TUSC3: variants seen among roughly 807,000 people sequenced by gnomAD.
TUSC3 encodes the protein tumor suppressor candidate 3.
In TUSC3, 45 loss-of-function variants were observed where a neutral mutation model predicts 44.8. The observed-to-expected ratio is 1.00, with a 90% CI of 0.79 to 1.29. The LOEUF (loss-of-function observed/expected upper bound fraction) is 1.29. TUSC3 is among the 50% of genes most tolerant of loss of function. The probability of loss-of-function intolerance (pLI) is 0.00; values close to 1 mark genes in which losing one functional copy is unlikely to be tolerated. For synonymous variants in TUSC3, 212 were observed against 152.9 expected (o/e 1.39, Z -2.85); for missense variants, 519 against 437.9 (o/e 1.19, Z -1.65).
chr8:15,718,659 A>G (rs1285159120), intron 6 of TUSC3, among the ~76,000 whole-genome samples: 2 of 152,106 alleles, frequency 1.3e-5, no homozygotes, highest in Non-Finnish European at 2.9e-5. Flanking sequence ...CTTATAATTA[A>G]CATACAATTT....
At chr8:15,745,100 A>G (rs1811353036) in intron 8 of TUSC3, among the ~76,000 whole-genome samples, 1 of 152,026 alleles carries the variant, frequency 6.6e-6, no homozygotes, top group South Asian at 2.1e-4. Flanking sequence ...CTGAATTCCT[A>G]TTGATGTAAA....
the TUSC3 span, among the ~76,000 whole-genome samples, chr8:15,778,361 A>G: frequency 1.3e-5 from 2 of 152,196 alleles, no homozygotes; most frequent in Non-Finnish European, 2.9e-5. Flanking sequence ...ACAGACAAGG[A>G]GACAAAACAG....
intron 1 of TUSC3, among the ~76,000 whole-genome samples, chr8:15,483,140 C>T (rs150380092): frequency 1.7e-4 from 26 of 152,252 alleles, no homozygotes; most frequent in African/African-American, 5.1e-4. Flanking sequence ...AAAGTGTTAA[C>T]AGCATATAAG....
chr8:15,541,587 C>G (rs950879848), intron 1 of TUSC3, among the ~76,000 whole-genome samples: 1 of 152,078 alleles, frequency 6.6e-6, no homozygotes, highest in Non-Finnish European at 1.5e-5. Flanking sequence ...TATTCTTAGT[C>G]TGAAACAAAT....
At chr8:15,512,487 C>A (rs1261537199) in intron 2 of TUSC3, among the ~76,000 whole-genome samples, 1 of 152,084 alleles carries the variant, frequency 6.6e-6, no homozygotes, top group Non-Finnish European at 1.5e-5. Context: ...ATAAATGTTT[C>A]TCTGGCTGGG....
At chr8:15,539,803 G>A (rs1801611246), upstream of TUSC3, among the ~76,000 whole-genome samples, 1 of 152,152 alleles carries the variant, frequency 6.6e-6, no homozygotes, top group Admixed American at 6.5e-5. Context: ...TGTGCCTCAG[G>A]CCTTCCAGTG....
chr8:15,576,133 G>C (rs1271324266), intron 1 of TUSC3, among the ~76,000 whole-genome samples: 8 of 151,488 alleles, frequency 5.3e-5, no homozygotes, highest in Non-Finnish European at 1.0e-4. Flanking sequence ...CAATGAATCA[G>C]AGTTTTTGAA....
At chr8:15,427,461 A>G (rs565957702) in intron 1 of TUSC3, among the ~76,000 whole-genome samples, 7 of 152,212 alleles carry the variant, frequency 4.6e-5, no homozygotes, top group Middle Eastern at 3.4e-3. Flanking sequence ...AATGAGCAGC[A>G]TCCCAGTAAG....
intron 1 of TUSC3, among the ~76,000 whole-genome samples, chr8:15,432,684 A>T (rs905443126): frequency 3.3e-5 from 5 of 152,126 alleles, no homozygotes; most frequent in African/African-American, 4.8e-5. Context: ...TTATGTCTCA[A>T]TCTTTTAATG....
intron 6 of TUSC3, among the ~76,000 whole-genome samples, chr8:15,700,849 C>G (rs1377289210): frequency 1.1e-5 from 1 of 90,536 alleles, no homozygotes; most frequent in Non-Finnish European, 2.0e-5. Context: ...ATGGCTGGAG[C>G]TTTTTTTTTT....
At chr8:15,827,250 A>G in the TUSC3 span, among the ~76,000 whole-genome samples, 3 of 152,228 alleles carry the variant, frequency 2.0e-5, no homozygotes, top group East Asian at 5.8e-4. Flanking sequence ...CACTAACATT[A>G]TTTGATTCTA....
chr8:15,515,910 C>T (rs1801210537), intron 2 of TUSC3, among the ~76,000 whole-genome samples: 1 of 151,994 alleles, frequency 6.6e-6, no homozygotes, highest in African/African-American at 2.4e-5. Context: ...ACCTTGTGAT[C>T]CACCTTCCTT....
intron 3 of TUSC3, among the ~76,000 whole-genome samples, chr8:15,656,111 T>C (rs1807151668): frequency 6.6e-6 from 1 of 152,042 alleles, no homozygotes; most frequent in Non-Finnish European, 1.5e-5. Context: ...TTGAATATTT[T>C]GCATTCAAAC....
chr8:15,561,007 CAA>C lies in TUSC3; in HGVS notation c.138+20441_138+20442del, dbSNP rs1464980355. 1.6e-4 allele frequency among the ~76,000 whole-genome samples: 21 copies of C among 131,880 alleles called. No homozygotes were observed. In the East Asian group the frequency reaches 4.2e-3, roughly 27 times the overall value. 86.5% of individuals were successfully genotyped at this position (131,880 alleles called of 152,430 possible). Reference sequence around the variant, plus strand: ...CTGAAGCCTTCTTCTCTCAGCTCGTCAAAGTCATTCTCCATCCAGCTTTGTTC... The same window carrying C: ...CTGAAGCCTTCTTCTCTCAGCTCGTCAGTCATTCTCCATCCAGCTTTGTTC... On this transcript the variant is annotated intron_variant, in intron 1 of 10. Transcript: ENST00000503731.
intron 6 of TUSC3, among the ~76,000 whole-genome samples, chr8:15,688,074 C>G (rs576348612): frequency 1.3e-5 from 2 of 152,060 alleles, no homozygotes; most frequent in South Asian, 4.2e-4. Flanking sequence ...TACCTGTTAA[C>G]TTTTTCATAT....
chr8:15,621,128 T>G (rs982774093), intron 1 of TUSC3, among the ~76,000 whole-genome samples: 1 of 152,188 alleles, frequency 6.6e-6, no homozygotes, highest in South Asian at 2.1e-4. Flanking sequence ...TTCCACTCTT[T>G]CCATAGAGGG....
chr8:15,489,060 C>G (rs1266892242), intron 2 of TUSC3, among the ~76,000 whole-genome samples: 1 of 152,096 alleles, frequency 6.6e-6, no homozygotes, highest in Non-Finnish European at 1.5e-5. Context: ...ATATGAGTGA[C>G]CAAGACTGAG....
At position 15,448,108 on chromosome 8, in the gene TUSC3, C is replaced by CATATACATAT. The variant is rs55661131; in HGVS notation, n.91+30808_91+30809insCATATATATA. Among the ~76,000 whole-genome samples the CATATACATAT allele has an allele frequency of 2.7e-3, 265 of 96,438 alleles. 22 individuals carry two copies. Among genetic ancestry groups the CATATACATAT allele is most frequent in the African/African-American group, 7.9e-3 (153 of 19,322 alleles). 63.3% of individuals were successfully genotyped at this position (96,438 alleles called of 152,430 possible). On this transcript the variant is annotated intron_variant and non_coding_transcript_variant, in intron 1 of 5. Coordinates refer to the TUSC3 transcript ENST00000503191. ...ATTCAACTGTATGGTAGTGTATATACATATATATATATTTATTTATTTATT... is the reference window on the plus strand; with the variant it reads ...ATTCAACTGTATGGTAGTGTATATACATATACATATATATATATATATTTATTTATTTATT...
chr8:15,669,027 C>T (rs1406485818), intron 5 of TUSC3, among the ~76,000 whole-genome samples: 2 of 151,706 alleles, frequency 1.3e-5, no homozygotes, highest in Non-Finnish European at 3.0e-5. Context: ...TTGGGACCCA[C>T]TGGACTCTTA....
Sources: gnomAD v4.1 joint callset for allele counts (sites outside exome capture counted in the v4.1 genomes callset) on GRCh38, gnomAD v4.1.1 for gene constraint, MANE v1.5 for transcripts, NCBI Gene and HGNC (gene_info 2026-07-23, HGNC 2026-07-21) for gene names.